Variants in EXT1 observed in about 807,000 individuals in gnomAD.
EXT1 encodes exostosin-1.
In EXT1, 20 loss-of-function variants were observed where a neutral mutation model predicts 82.5. That is an observed-to-expected ratio of 0.24 (90% CI 0.17 to 0.35). EXT1 has a LOEUF of 0.35. Among genes scored for constraint, EXT1 ranks in the 10% least tolerant of loss-of-function variants. The pLI is 1.00. For missense variants in EXT1, 757 were observed against 936.5 expected (o/e 0.81, Z 2.50); for synonymous variants, 348 against 350.8 (o/e 0.99, Z 0.09).
At chr8:117,854,657 A>G (rs186464174) in intron 1 of EXT1, among the ~76,000 whole-genome samples, 111 of 152,350 alleles carry the variant, frequency 7.3e-4, no homozygotes, top group African/African-American at 2.6e-3. Context: ...TAACAGCCAC[A>G]CTGTTGAGAG....
chr8:117,830,190 G>C (rs553006352), intron 4 of EXT1, 40 bp downstream of exon 4: 17 of 1,612,866 alleles, frequency 1.1e-5, no homozygotes, highest in East Asian at 6.7e-5. Flanking sequence ...GTGTATAAAG[G>C]ACCATTATTC....
Position 117,808,921 on chromosome 8 carries a change from G to T in EXT1, c.1723-1544C>A, listed in dbSNP as rs115511786. Among the ~76,000 whole-genome samples, 783 of 152,088 alleles carry T rather than the reference G, an allele frequency of 5.1e-3. 8 individuals carry two copies. Among genetic ancestry groups the T allele is most frequent in the African/African-American group, 0.018 (727 of 41,486 alleles). The stretch of plus-strand genomic sequence containing the variant: ...GAATACAAAACAAAGGTGAAGGAAG[G>T]AGGAATTCCTCCCCTTTTTCTTTTT... On this transcript the variant is annotated intron_variant, in intron 8 of 10. Coordinates refer to ENST00000378204, the MANE Select transcript of EXT1 (RefSeq NM_000127.3).
chr8:117,854,579 C>T (rs17503705), intron 1 of EXT1, among the ~76,000 whole-genome samples: 115 of 152,220 alleles, frequency 7.6e-4, no homozygotes, highest in African/African-American at 2.6e-3. Context: ...AGGCTTGTTG[C>T]CAATAATATA....
chr8:117,954,996 G>A (rs867996695), intron 1 of EXT1, among the ~76,000 whole-genome samples: 28 of 152,092 alleles, frequency 1.8e-4, no homozygotes, highest in African/African-American at 6.5e-4. Flanking sequence ...TACAAGTCAG[G>A]GGATCTCATG....
intron 1 of EXT1, among the ~76,000 whole-genome samples, chr8:117,901,123 A>G (rs1277926411): frequency 6.6e-6 from 1 of 152,206 alleles, no homozygotes; most frequent in Admixed American, 6.5e-5. Flanking sequence ...TACAGTCATG[A>G]GTCACTTAAC....
chr8:117,879,704 A>G (rs957332954), intron 1 of EXT1, among the ~76,000 whole-genome samples: 1 of 152,194 alleles, frequency 6.6e-6, no homozygotes, highest in African/African-American at 2.4e-5. Flanking sequence ...AACATGCACA[A>G]TCTAGAGTTA....
chr8:117,845,257 A>G (rs1209326253), intron 1 of EXT1, among the ~76,000 whole-genome samples: 1 of 152,222 alleles, frequency 6.6e-6, no homozygotes, highest in African/African-American at 2.4e-5. Context: ...ACGTGGGGAA[A>G]GATACACCTG....
intron 1 of EXT1, among the ~76,000 whole-genome samples, chr8:118,041,896 T>C (rs1816538146): frequency 1.4e-5 from 2 of 147,560 alleles, no homozygotes; most frequent in South Asian, 2.1e-4. Flanking sequence ...TGCAGTGAGC[T>C]GAGATCACGC....
intron 1 of EXT1, among the ~76,000 whole-genome samples, chr8:118,013,337 T>C (rs935028367): frequency 3.9e-5 from 6 of 152,156 alleles, no homozygotes; most frequent in Non-Finnish European, 4.4e-5. Flanking sequence ...GCCTCCCAAG[T>C]AGCTGAGATT....
chr8:118,049,297 T>G (rs1452649995), intron 1 of EXT1, among the ~76,000 whole-genome samples: 1 of 152,224 alleles, frequency 6.6e-6, no homozygotes, highest in Non-Finnish European at 1.5e-5. Context: ...TAATCTCCAG[T>G]TTACTTAGCT....
At chr8:117,926,909 A>G (rs1813963035) in intron 1 of EXT1, among the ~76,000 whole-genome samples, 1 of 152,236 alleles carries the variant, frequency 6.6e-6, no homozygotes, top group South Asian at 2.1e-4. Context: ...CAAAAAAACT[A>G]GCAACAAAAG....
chr8:118,020,593 T>C (rs980873313), intron 1 of EXT1, among the ~76,000 whole-genome samples: 1 of 152,040 alleles, frequency 6.6e-6, no homozygotes, highest in African/African-American at 2.4e-5. Context: ...GCTGTCATAG[T>C]CTTCTTTGAT....
chr8:118,086,844 G>A (rs1817428092), intron 1 of EXT1, among the ~76,000 whole-genome samples: 1 of 152,122 alleles, frequency 6.6e-6, no homozygotes, highest in Admixed American at 6.5e-5. Flanking sequence ...TAGACAGAAT[G>A]GGATAACTAT....
intron 1 of EXT1, among the ~76,000 whole-genome samples, chr8:117,890,410 C>T (rs1813222135): frequency 6.6e-6 from 1 of 152,152 alleles, no homozygotes; most frequent in Non-Finnish European, 1.5e-5. Context: ...TGCTGTTTAA[C>T]ATCCTACAAT....
At chr8:117,891,512 G>A (rs1021187707) in intron 1 of EXT1, among the ~76,000 whole-genome samples, 3 of 84,418 alleles carry the variant, frequency 3.6e-5, no homozygotes, top group Non-Finnish European at 7.6e-5. Flanking sequence ...CTCCTTTGTT[G>A]AGAATGCCCT....
rs1477526677 is a variant in EXT1 at position 117,799,726 on chromosome 8, T to C, written c.2227A>G (p.Ile743Val). The C allele has an allele frequency of 4.3e-6, 7 of 1,614,018 alleles. No individual in the cohort carries two copies. Among genetic ancestry groups the C allele is most frequent in the Admixed American group, 1.7e-5 (1 of 59,994 alleles). The change falls in exon 11 of 11, where the codon ATT (isoleucine) becomes GTT (valine). Residue 743 changes from isoleucine (I) to valine (V), a missense_variant. Physicochemically the swap from Ile to Val is conservative, Grantham distance 29. Transcript: ENST00000378204. ...VSILRKKYRD[I>V]ERL is the part of the protein sequence containing the mutation. ...AGCCGGATTCCTCAAAGTCGCTCAA[T>C]GTCTCGGTATTTCTTCCTCAAAATA...
At chr8:118,035,351 T>C (rs1427206012) in intron 1 of EXT1, among the ~76,000 whole-genome samples, 3 of 152,136 alleles carry the variant, frequency 2.0e-5, no homozygotes, top group African/African-American at 7.2e-5. Context: ...CACTGTGCTT[T>C]CCAAAACCAC....
chr8:118,006,880 G>A (rs1376682489), intron 1 of EXT1, among the ~76,000 whole-genome samples: 2 of 152,172 alleles, frequency 1.3e-5, no homozygotes, highest in Admixed American at 6.5e-5. Context: ...GAGGACCGTG[G>A]CCATGTAGAA....
At chr8:117,913,786 A>G (rs1245005991) in intron 1 of EXT1, among the ~76,000 whole-genome samples, 1 of 152,222 alleles carries the variant, frequency 6.6e-6, no homozygotes, top group East Asian at 1.9e-4. Context: ...AAATAATTCC[A>G]CAAACATTAT....
Sources: allele counts gnomAD v4.1 joint callset (sites outside exome capture counted in the v4.1 genomes callset), GRCh38; gene constraint gnomAD v4.1.1; transcripts MANE v1.5; gene names NCBI Gene and HGNC (gene_info 2026-07-23, HGNC 2026-07-21).